The following NOA1 variants were observed in gnomAD, a reference collection of about 807,000 sequenced individuals.
The protein encoded by NOA1 is nitric oxide associated 1.
A neutral mutation model predicts 58.4 loss-of-function variants in NOA1; 35 were observed. That is an observed-to-expected ratio of 0.60 (90% CI 0.46 to 0.79). The LOEUF (loss-of-function observed/expected upper bound fraction) is 0.79, where lower values mean the gene tolerates loss of function less well. Among genes scored for constraint, NOA1 ranks in the 30% least tolerant of loss-of-function variants. NOA1 has a pLI of 0.00. For synonymous variants in NOA1, 397 were observed against 373.4 expected (o/e 1.06, Z -0.73); for missense variants, 895 against 894.6 (o/e 1.00, Z -0.01).
At chr4:56,970,713 C>T (rs1721795868) in intron 3 of NOA1, among the ~76,000 whole-genome samples, 1 of 151,944 alleles carries the variant, frequency 6.6e-6, no homozygotes, top group Non-Finnish European at 1.5e-5. Flanking sequence ...CCTCCCACCT[C>T]GGCCTCCCAA....
Position 56,963,414 on chromosome 4 carries a change from C to A in NOA1, c.*36G>T, listed in dbSNP as rs1368325491. 3.4e-6 allele frequency: 5 copies of A among 1,478,498 alleles called. No individual in the cohort carries two copies. The highest frequency in any genetic ancestry group is 1.1e-5 in the South Asian group (1 of 88,002). 91.6% of individuals were successfully genotyped at this position (1,478,498 alleles called of 1,614,324 possible). On this transcript the variant is annotated 3_prime_UTR_variant, in exon 7 of 7. Transcript: ENST00000264230. ...CAAATTCAATGTATTTTGTTGTGTT[C>A]AATACAGTTAATATCTGGAGTGAAC...
In NOA1 at chr4:56,974,848, C is replaced by T. The variant is rs926074237; in HGVS notation, c.1145-826G>A. The stretch of plus-strand genomic sequence containing the variant: ...TCCTGAGTAGCTGGGATTACAGGCA[C>T]CAGCTACCAAACCCGGCTAAGTTTT... On this transcript the variant is annotated intron_variant, in intron 1 of 6. Coordinates refer to ENST00000264230, the MANE Select transcript of NOA1 (RefSeq NM_032313.4). Among the ~76,000 whole-genome samples, 10 of 151,758 alleles carry T rather than the reference C, an allele frequency of 6.6e-5. 1 individual carries two copies. The highest frequency in any genetic ancestry group is 5.9e-4 in the Admixed American group (9 of 15,246).
intron 3 of NOA1, among the ~76,000 whole-genome samples, chr4:56,970,777 T>A (rs189329522): frequency 6.6e-6 from 1 of 152,054 alleles, no homozygotes; most frequent in South Asian, 2.1e-4. Flanking sequence ...CTTAATACTT[T>A]CATTTCACAA....
chr4:56,966,467 T>C (rs1015915450), intron 5 of NOA1, among the ~76,000 whole-genome samples, 153 bp downstream of exon 5: 27 of 152,224 alleles, frequency 1.8e-4, no homozygotes, highest in African/African-American at 6.5e-4. Context: ...AATTTTGCTT[T>C]ATAGCCAGAA....
intron 1 of NOA1, among the ~76,000 whole-genome samples, chr4:56,974,987 C>A (rs1209390564): frequency 7.0e-6 from 1 of 142,204 alleles, no homozygotes; most frequent in Non-Finnish European, 1.5e-5. Flanking sequence ...ACAGGTGTGA[C>A]CCACTGCACC....
chr4:56,966,693 A>AATC lies in NOA1; in HGVS notation c.1690_1691insGAT (p.Leu564delinsArgPhe), dbSNP rs766919041. 2 of 1,613,904 alleles carry AATC rather than the reference A, an allele frequency of 1.2e-6. No individual in the cohort carries two copies. The highest frequency in any genetic ancestry group is 3.3e-5 in the Admixed American group (2 of 60,000). ...GTCCAAGGAGGTGATATGCACAGGG[A>AATC]GGATGTTGGAAGCCACGACTGTAAA... On this transcript the variant is annotated protein_altering_variant, in exon 5 of 7. Coordinates refer to ENST00000264230, the MANE Select transcript of NOA1 (RefSeq NM_032313.4).
At chr4:56,973,088 T>C (rs1245023724) in intron 3 of NOA1, 60 bp downstream of exon 3, 2 of 1,470,816 alleles carry the variant, frequency 1.4e-6, no homozygotes, top group Non-Finnish European at 1.9e-6. Flanking sequence ...CAGCAGGCAA[T>C]ATAAACCCAT....
At chr4:56,968,544 A>T in intron 3 of NOA1, 29 bp from the exon 4 acceptor site, 1 of 1,486,332 alleles carries the variant, frequency 6.7e-7, no homozygotes, top group Non-Finnish European at 9.2e-7. Flanking sequence ...ATTTTTAAGA[A>T]AATACTTTTA....
Position 56,977,329 on chromosome 4 carries a change from G to C in NOA1, c.257C>G (p.Thr86Ser), listed in dbSNP as rs1175533944. 6.2e-7 allele frequency: 1 copy of C among 1,614,068 alleles called. No homozygotes were observed. The highest frequency in any genetic ancestry group is 8.5e-7 in the Non-Finnish European group (1 of 1,180,042). ...GAGCTCCTGCAGCTGCTTTTCGCGG[G>C]TGGGTTGCGGCTCCGGATCCAGGAT... ...EYILDPEPQP[T>S]REKQLQELQQ... Residue 86 changes from threonine to serine, a missense_variant, in exon 1 of 7, where the codon ACC becomes AGC. Physicochemically the swap from Thr to Ser is moderately conservative, Grantham distance 58. Around this residue, in one of 3 missense-constraint regions of NOA1, gnomAD observed 680 missense variants for 656.5 expected, o/e 1.04. Coordinates refer to ENST00000264230, the MANE Select transcript of NOA1 (RefSeq NM_032313.4).
In NOA1 at chr4:56,968,474, C is replaced by G. The variant is rs1187659250; in HGVS notation, c.1557G>C (p.Leu519Phe). Residue 519 changes from leucine (L) to phenylalanine (F), a missense_variant, in exon 4 of 7, where the codon TTG becomes TTC. Leu to Phe is a conservative substitution (Grantham distance 22). This residue lies in a region of NOA1 where 3 missense variants were observed against 16.8 expected (regional missense o/e 0.18). Coordinates refer to ENST00000264230, the MANE Select transcript of NOA1 (RefSeq NM_032313.4). ...LLTEKEVNIV[L>F]PTQSIVPRTF... ...TTCTTGGAACAATGGACTGTGTTGG[C>G]AAAACAATATTTACTTCTTTTTCTG... The G allele has an allele frequency of 6.2e-7, 1 of 1,608,382 alleles. No individual in the cohort carries two copies.
In NOA1 at chr4:56,977,452, G is replaced by A; in HGVS notation, c.134C>T (p.Ser45Leu). The change falls in exon 1 of 7, where the codon TCA becomes TTA. Residue 45 changes from serine (S) to leucine (L), a missense_variant. Coordinates refer to ENST00000264230, the MANE Select transcript of NOA1 (RefSeq NM_032313.4). ...AGGAAGCTCGCGTCCCAGACTCGAT[G>A]AGTGCTGGAAGGAGGAGGCGGCAGC... ...RCAAASSFQH[S>L]SSLGRELPYD... The A allele has an allele frequency of 1.2e-6, 2 of 1,614,176 alleles. No homozygotes were observed. Among genetic ancestry groups the A allele is most frequent in the Non-Finnish European group, 1.7e-6 (2 of 1,180,034 alleles).
At chr4:56,971,609 T>C (rs1485997975) in intron 3 of NOA1, among the ~76,000 whole-genome samples, 1 of 152,038 alleles carries the variant, frequency 6.6e-6, no homozygotes, top group Non-Finnish European at 1.5e-5. Context: ...CAGAGATAAT[T>C]AGAAAATCGG....
At position 56,966,899 on chromosome 4, in the gene NOA1, G is replaced by A. The variant is rs1721721680; in HGVS notation, c.1648-163C>T. On this transcript the variant is annotated intron_variant, in intron 4 of 6. Coordinates refer to ENST00000264230, the MANE Select transcript of NOA1 (RefSeq NM_032313.4). ...TAGCTGTAAATCAAATTATTACTAA[G>A]AACAGGGGCACAATACTGAAGCAGT... is the stretch of plus-strand genomic sequence containing the variant. 2.0e-5 allele frequency among the ~76,000 whole-genome samples: 3 copies of A among 151,956 alleles called. 1 individual carries two copies. In the South Asian group the frequency reaches 6.2e-4, roughly 31 times the overall value.
At chr4:56,964,639 C>A in intron 5 of NOA1, 113 bp from the exon 6 acceptor site, 1 of 1,212,456 alleles carries the variant, frequency 8.2e-7, no homozygotes, top group South Asian at 1.5e-5. Flanking sequence ...AAAATCCTTT[C>A]AAATATTCAA....
chr4:56,970,209 T>C (rs549155553), intron 3 of NOA1, among the ~76,000 whole-genome samples: 2 of 151,924 alleles, frequency 1.3e-5, no homozygotes, highest in African/African-American at 4.8e-5. Flanking sequence ...AGGTGGAGGA[T>C]TGCTTGAGCC....
At chr4:56,973,074 T>C (rs1721834526) in intron 3 of NOA1, 74 bp downstream of exon 3, 1 of 1,324,862 alleles carries the variant, frequency 7.5e-7, no homozygotes, top group Admixed American at 1.7e-5. Flanking sequence ...TGGCTGTATC[T>C]GGGCAGCAGG....
rs760168084 is a variant in NOA1 at position 56,977,279 on chromosome 4, GCTC to G, written c.304_306del (p.Glu102del). The G allele has an allele frequency of 6.2e-7, 1 of 1,613,308 alleles. No homozygotes were observed. Among genetic ancestry groups the G allele is most frequent in the Non-Finnish European group, 8.5e-7 (1 of 1,179,728 alleles). ...TCCTCCCGCCGCTGCTGCCTCTGTCGCTCCTCCTCCTCCTGCTGTTGCTGGAGC... is the reference window on the plus strand; with the variant it reads ...TCCTCCCGCCGCTGCTGCCTCTGTCGCTCCTCCTCCTGCTGTTGCTGGAGC... On this transcript the variant is annotated inframe_deletion, in exon 1 of 7. Coordinates refer to ENST00000264230, the MANE Select transcript of NOA1 (RefSeq NM_032313.4).
At chr4:56,975,523 T>C (rs930775232) in intron 1 of NOA1, among the ~76,000 whole-genome samples, 2 of 150,976 alleles carry the variant, frequency 1.3e-5, no homozygotes, top group Admixed American at 1.3e-4. Flanking sequence ...CCCAGCGCTT[T>C]GGGAGGCCAA....
chr4:56,973,337 T>C lies in NOA1; in HGVS notation c.1326A>G (p.Thr442=). The change falls in exon 3 of 7, where the codon ACA becomes ACG. Residue 442 remains threonine, a synonymous_variant. Transcript: ENST00000264230. Reference sequence around the variant, plus strand: ...CCTTCTGTTCTTCTGAATACAAGAATGTCCTTCCAACTCTTCCTAGAACAA... The same window carrying C: ...CCTTCTGTTCTTCTGAATACAAGAACGTCCTTCCAACTCTTCCTAGAACAA... ...HGYVVGRVGR[T]FLYSEEQKDN... 6.2e-7 allele frequency: 1 copy of C among 1,614,028 alleles called. No homozygotes were observed. The highest frequency in any genetic ancestry group is 8.5e-7 in the Non-Finnish European group (1 of 1,179,896).
Sources: allele counts gnomAD v4.1 joint callset (sites outside exome capture counted in the v4.1 genomes callset), GRCh38; gene constraint gnomAD v4.1.1; regional missense constraint gnomAD v4.1.1; transcripts MANE v1.5; gene names NCBI Gene and HGNC (gene_info 2026-07-23, HGNC 2026-07-21).